Variants in ABCA8 observed in about 807,000 individuals in gnomAD.
ABCA8 encodes the protein ATP binding cassette subfamily A member 8.
A neutral mutation model predicts 192.3 loss-of-function variants in ABCA8; 177 were observed. The ratio of observed to expected loss-of-function variants is 0.92; its 90% CI spans 0.81 to 1.04. The LOEUF (loss-of-function observed/expected upper bound fraction) is 1.04, where lower values mean the gene tolerates loss of function less well. Ranked by LOEUF, ABCA8 falls within the 50% of genes least tolerant of loss-of-function variation. The pLI is 0.00. For synonymous variants in ABCA8, 642 were observed against 690.2 expected (o/e 0.93, Z 1.09); for missense variants, 1,915 against 1,904.8 (o/e 1.01, Z -0.10).
intron 2 of ABCA8, among the ~76,000 whole-genome samples, chr17:68,942,344 C>A (rs190229277): frequency 6.6e-6 from 1 of 152,296 alleles, no homozygotes; most frequent in East Asian, 1.9e-4. Flanking sequence ...AAGTACTTTC[C>A]TTTGCCAGCT....
chr17:68,945,321 T>G (rs1393017774), intron 2 of ABCA8, among the ~76,000 whole-genome samples: 1 of 129,540 alleles, frequency 7.7e-6, no homozygotes, highest in Non-Finnish European at 1.7e-5. Context: ...AATAGCTTTT[T>G]GTACTCAGTT....
In ABCA8 at chr17:68,876,675, G is replaced by C. The variant is rs764549428; in HGVS notation, c.4228C>G (p.Gln1410Glu). ...RLVDALKLQD[Q>E]LKSPVKTLSE... ...AAGGTCTTCACGGGAGACTTCAGCT[G>C]GTCCTGCAGCTTGAGCGCATCCACT... is the stretch of plus-strand genomic sequence containing the variant. The change falls in exon 34 of 40, where the codon CAG becomes GAG. Residue 1410 changes from glutamine (Q) to glutamate (E), a missense_variant. Gln to Glu is a conservative substitution (Grantham distance 29). Transcript: ENST00000586539. 2.0e-5 allele frequency: 32 copies of C among 1,614,164 alleles called. No homozygotes were observed. Among genetic ancestry groups the C allele is most frequent in the Non-Finnish European group, 2.6e-5 (31 of 1,180,028 alleles).
chr17:68,890,815 G>A (rs1017796469), intron 24 of ABCA8, among the ~76,000 whole-genome samples: 25 of 152,246 alleles, frequency 1.6e-4, no homozygotes, highest in African/African-American at 5.1e-4. Context: ...CACCAAGCTC[G>A]GCTGCCTTTT....
chr17:68,917,410 C>G lies in ABCA8; in HGVS notation c.2089G>C (p.Gly697Arg). ...TTCTTCTTTAGAAACAAAGAAGAGC[C>G]CGCGCACTTTAGCTTCCCTTGGGAG... Reference protein sequence around the residue: ...FLSQGKLKCAGSSLFLKKKWG... With the variant: ...FLSQGKLKCARSSLFLKKKWG... Residue 697 changes from glycine (G) to arginine (R), a missense_variant, in exon 17 of 40, where the codon GGC becomes CGC. Coordinates refer to ENST00000586539, the MANE Select transcript of ABCA8 (RefSeq NM_001288985.2). 6.2e-7 allele frequency: 1 copy of G among 1,612,014 alleles called. No individual in the cohort carries two copies. Among genetic ancestry groups the G allele is most frequent in the Non-Finnish European group, 8.5e-7 (1 of 1,178,906 alleles).
At chr17:68,924,673 C>T (rs768142418) in intron 11 of ABCA8, 28 bp downstream of exon 11, 4 of 1,596,460 alleles carry the variant, frequency 2.5e-6, no homozygotes, top group Non-Finnish European at 3.4e-6. Context: ...TGCCTTTTTG[C>T]CCTGTTCTCC....
intron 24 of ABCA8, among the ~76,000 whole-genome samples, chr17:68,891,054 C>A (rs1016816987): frequency 6.6e-6 from 1 of 152,144 alleles, no homozygotes; most frequent in Non-Finnish European, 1.5e-5. Context: ...AAAGTCTAAT[C>A]TTACCCCTAT....
Position 68,911,648 on chromosome 17 carries a change from G to A in ABCA8, c.2139-3769C>T, listed in dbSNP as rs545624864. The stretch of plus-strand genomic sequence containing the variant: ...CTTGGGAAAGACCCAGTGCTGTATT[G>A]GCTTTAGATCTGACCCAGCATAATC... On this transcript the variant is annotated intron_variant, in intron 17 of 39. Transcript: ENST00000586539. The surrounding 1 kb of genome is among the most constrained non-coding windows in gnomAD (Gnocchi z 5.7). Among the ~76,000 whole-genome samples the A allele has an allele frequency of 6.6e-6, 1 of 152,088 alleles. No individual in the cohort carries two copies. Among genetic ancestry groups the A allele is most frequent in the South Asian group, 2.1e-4 (1 of 4,814 alleles).
intron 4 of ABCA8, 57 bp downstream of exon 4, chr17:68,940,701 G>T: frequency 6.8e-7 from 1 of 1,471,970 alleles, no homozygotes. Flanking sequence ...TAAATCTGCG[G>T]TCAAATAAAC....
chr17:68,893,612 CTTCCTTCCTTCCTTCATTCT>C (rs71144632), intron 23 of ABCA8, among the ~76,000 whole-genome samples: 1 of 145,710 alleles, frequency 6.9e-6, no homozygotes, highest in Non-Finnish European at 1.5e-5. Flanking sequence ...TCGTTCATTC[CTTCCTTCCTTCCTTCATTCT>C]TTCCTTCCTT....
At position 68,877,599 on chromosome 17, in the gene ABCA8, G is replaced by A. The variant is rs1265558690; in HGVS notation, c.4119C>T (p.Asn1373=). The stretch of plus-strand genomic sequence containing the variant: ...CCTCCAGGTGCTGCCTCACTGTCAG[G>A]TTGGGCCACAGCGCGTTCTCCTGAG... ...YCPQENALWP[N]LTVRQHLEVY... The change falls in exon 33 of 40, where the codon AAC becomes AAT. Residue 1373 remains asparagine, a synonymous_variant. Transcript: ENST00000586539. 1 of 1,614,050 alleles carries A rather than the reference G, an allele frequency of 6.2e-7. No homozygotes were observed. Among genetic ancestry groups the A allele is most frequent in the Admixed American group, 1.7e-5 (1 of 60,028 alleles).
At chr17:68,949,235 A>G (rs904911332) in intron 2 of ABCA8, 77 bp downstream of exon 2, 1 of 152,208 alleles carries the variant, frequency 6.6e-6, no homozygotes, top group Non-Finnish European at 1.5e-5. Flanking sequence ...CCCTCCTAAG[A>G]CTAAACCAGG....
intron 2 of ABCA8, among the ~76,000 whole-genome samples, chr17:68,943,065 A>G (rs2068277188): frequency 6.6e-6 from 1 of 152,140 alleles, no homozygotes; most frequent in East Asian, 1.9e-4. Context: ...TGGCAGAAAT[A>G]ATTGCTCTCT....
chr17:68,924,610 T>C, intron 11 of ABCA8, 91 bp downstream of exon 11: 1 of 1,427,162 alleles, frequency 7.0e-7, no homozygotes, highest in South Asian at 1.4e-5. Context: ...GGGAACTGTC[T>C]ACAGAGCACA....
intron 21 of ABCA8, among the ~76,000 whole-genome samples, chr17:68,897,189 G>C (rs1013831184): frequency 1.3e-5 from 2 of 152,164 alleles, no homozygotes; most frequent in Non-Finnish European, 2.9e-5. Flanking sequence ...AACTGAATGT[G>C]ATACCAGTAG....
At chr17:68,933,865 A>C (rs2067980419) in intron 5 of ABCA8, among the ~76,000 whole-genome samples, 1 of 152,166 alleles carries the variant, frequency 6.6e-6, no homozygotes, top group African/African-American at 2.4e-5. Context: ...ATAGGAATTA[A>C]ATGCATATTA....
At position 68,924,793 on chromosome 17, in the gene ABCA8, G is replaced by A. The variant is rs1328985216; in HGVS notation, c.1350C>T (p.His450=). 3.7e-6 allele frequency: 6 copies of A among 1,614,094 alleles called. No homozygotes were observed. The highest frequency in any genetic ancestry group is 2.2e-5 in the South Asian group (2 of 91,064). The change falls in exon 11 of 40, where the codon CAC becomes CAT. Residue 450 remains histidine, a synonymous_variant. Coordinates refer to ENST00000586539, the MANE Select transcript of ABCA8 (RefSeq NM_001288985.2). The part of the protein sequence containing the change: ...SFWSQTQKTD[H]VALEDEMDAD... ...CATCCATTTCATCTTCAAGGGCCACGTGATCAGTCTTTTGTGTTTGAGACC... is the reference window on the plus strand; with the variant it reads ...CATCCATTTCATCTTCAAGGGCCACATGATCAGTCTTTTGTGTTTGAGACC...
In ABCA8 at chr17:68,941,981, C is replaced by T; in HGVS notation, c.54G>A (p.Lys18=). Residue 18 remains lysine (K), a synonymous_variant, in exon 3 of 40, where the codon AAG becomes AAA. Transcript: ENST00000586539. ...TCATTCTCCATTTTTTAAGAAAGTT[C>T]TTGCATAATAAGGCCCAAGTTTGTT... ...VCQQTWALLC[K]NFLKKWRMKR... is the part of the protein sequence containing the mutation. The T allele has an allele frequency of 6.2e-7, 1 of 1,613,228 alleles. No individual in the cohort carries two copies. Among genetic ancestry groups the T allele is most frequent in the African/African-American group, 1.3e-5 (1 of 74,986 alleles).
At chr17:68,887,739 A>G (rs1385102548) in intron 24 of ABCA8, among the ~76,000 whole-genome samples, 1 of 151,668 alleles carries the variant, frequency 6.6e-6, no homozygotes, top group Non-Finnish European at 1.5e-5. Flanking sequence ...AGACCTTAGA[A>G]TGATCAAAGC....
chr17:68,893,201 C>A (rs1368158361), intron 23 of ABCA8, among the ~76,000 whole-genome samples: 1 of 152,050 alleles, frequency 6.6e-6, no homozygotes, highest in Non-Finnish European at 1.5e-5. Context: ...TTCCTACGTA[C>A]AAGGTATTTA....
Sources: allele counts gnomAD v4.1 joint callset (sites outside exome capture counted in the v4.1 genomes callset), GRCh38; gene constraint gnomAD v4.1.1; non-coding constraint Gnocchi (gnomAD v3.1); transcripts MANE v1.5; gene names NCBI Gene and HGNC (gene_info 2026-07-23, HGNC 2026-07-21).